Variants in SLCO1C1 observed in about 807,000 individuals in gnomAD.
The protein encoded by SLCO1C1 is solute carrier organic anion transporter family member 1C1.
In SLCO1C1, 70 loss-of-function variants were observed where a neutral mutation model predicts 76.4. The observed-to-expected ratio is 0.92, with a 90% CI of 0.76 to 1.12. SLCO1C1 has a LOEUF of 1.12. Ranked by LOEUF, SLCO1C1 falls within the 50% of genes most tolerant of loss-of-function variation. The probability of loss-of-function intolerance (pLI) is 0.00; values close to 1 mark genes in which losing one functional copy is unlikely to be tolerated. For synonymous variants in SLCO1C1, 306 were observed against 286.1 expected (o/e 1.07, Z -0.70); for missense variants, 912 against 823.8 (o/e 1.11, Z -1.31).
chr12:20,733,894 A>G (rs553813337), intron 10 of SLCO1C1, among the ~76,000 whole-genome samples: 1 of 151,806 alleles, frequency 6.6e-6, no homozygotes, highest in African/African-American at 2.4e-5. Flanking sequence ...CTTTCCCATC[A>G]CTCTACCACT....
rs1005040180 is a variant in SLCO1C1 at position 20,739,209 on chromosome 12, G to A, written c.1549-975G>A. Among the ~76,000 whole-genome samples, 17 of 152,224 alleles carry A rather than the reference G, an allele frequency of 1.1e-4. No homozygotes were observed. In the East Asian group the frequency reaches 2.7e-3, roughly 24 times the overall value. The stretch of plus-strand genomic sequence containing the variant: ...GTTTTATCAAATGCCTAAAATGAGA[G>A]TCTATTCCATTCCCCAGTTGCATAA... On this transcript the variant is annotated intron_variant, in intron 11 of 14. Transcript: ENST00000266509.
intron 2 of SLCO1C1, among the ~76,000 whole-genome samples, chr12:20,700,885 G>A (rs1946490204): frequency 6.6e-6 from 1 of 151,964 alleles, no homozygotes; most frequent in Admixed American, 6.6e-5. Flanking sequence ...TTCCCGGCTG[G>A]TGCATGCACC....
chr12:20,731,597 G>T (rs943575458), intron 9 of SLCO1C1, among the ~76,000 whole-genome samples: 1 of 152,084 alleles, frequency 6.6e-6, no homozygotes, highest in Non-Finnish European at 1.5e-5. Flanking sequence ...TTTATTATTC[G>T]AAAGAGATGT....
intron 9 of SLCO1C1, among the ~76,000 whole-genome samples, chr12:20,725,805 T>G (rs915200289): frequency 6.6e-6 from 1 of 152,002 alleles, no homozygotes; most frequent in African/African-American, 2.4e-5. Context: ...TTATCAACAC[T>G]TGGAATTGTC....
intron 9 of SLCO1C1, among the ~76,000 whole-genome samples, chr12:20,726,253 T>A (rs1337492854): frequency 5.9e-5 from 5 of 84,946 alleles, no homozygotes; most frequent in Non-Finnish European, 1.0e-4. Context: ...TTTTTCTTAT[T>A]TTTTTTTTTT....
At chr12:20,698,476 G>A (rs372908236) in intron 1 of SLCO1C1, among the ~76,000 whole-genome samples, 16 of 151,956 alleles carry the variant, frequency 1.1e-4, no homozygotes, top group African/African-American at 2.2e-4. Context: ...AAAGCAAATC[G>A]TTTATACTAT....
chr12:20,734,938 TC>T (rs1315495383), intron 10 of SLCO1C1, among the ~76,000 whole-genome samples: 1 of 152,148 alleles, frequency 6.6e-6, no homozygotes, highest in East Asian at 1.9e-4. Flanking sequence ...AAGGAAAAGC[TC>T]TCATCTTTCA....
intron 8 of SLCO1C1, among the ~76,000 whole-genome samples, chr12:20,722,688 T>G (rs1186059169): frequency 2.0e-5 from 3 of 152,248 alleles, no homozygotes; most frequent in Non-Finnish European, 4.4e-5. Flanking sequence ...TTCTTTCTCT[T>G]TGACCACAAG....
intron 13 of SLCO1C1, among the ~76,000 whole-genome samples, chr12:20,748,456 A>C (rs1949147358): frequency 6.6e-6 from 1 of 152,126 alleles, no homozygotes; most frequent in Non-Finnish European, 1.5e-5. Flanking sequence ...TACTAGAGCA[A>C]ATCTATATAT....
intron 9 of SLCO1C1, among the ~76,000 whole-genome samples, chr12:20,731,515 T>G (rs1170782523): frequency 6.6e-6 from 1 of 152,240 alleles, no homozygotes; most frequent in Non-Finnish European, 1.5e-5. Context: ...GAGATTATTT[T>G]TTACTACAGC....
In SLCO1C1 at chr12:20,696,758, A is replaced by AAG. The variant is rs1565493004; in HGVS notation, c.-26+960_-26+961dup. 3.9e-5 allele frequency: 6 copies of AAG among 152,188 alleles called. No individual in the cohort carries two copies. In the South Asian group the frequency reaches 1.2e-3, roughly 32 times the overall value. 9.4% of individuals were successfully genotyped at this position (152,188 alleles called of 1,614,324 possible). A position where few individuals can be genotyped will look rare whatever the true frequency, so the allele number is the denominator to read the frequency against. ...TGCTCTACTTCTGCAGTTGCAAATG[A>AAG]AGAGAGAGAGCCTGCAGGCCCCAAG... On this transcript the variant is annotated intron_variant, in intron 1 of 14. Transcript: ENST00000266509.
In SLCO1C1 at chr12:20,748,784, A is replaced by G. The variant is rs1654681845; in HGVS notation, c.1799-1891A>G. 2.6e-5 allele frequency among the ~76,000 whole-genome samples: 4 copies of G among 152,252 alleles called. No homozygotes were observed. In the South Asian group the frequency reaches 8.3e-4, roughly 32 times the overall value. On this transcript the variant is annotated intron_variant, in intron 13 of 14. Transcript: ENST00000266509. ...TGTTTGTTTGCTTGTGAGTATGTCC[A>G]GGTAAAATATTGTTGGTGGCAATAC...
chr12:20,740,626 G>C (rs2120878810), intron 12 of SLCO1C1, among the ~76,000 whole-genome samples: 1 of 151,422 alleles, frequency 6.6e-6, no homozygotes, highest in East Asian at 1.9e-4. Flanking sequence ...CACTAGAGTT[G>C]CTTAATAAAT....
intron 2 of SLCO1C1, among the ~76,000 whole-genome samples, chr12:20,700,820 G>A (rs1222963126): frequency 6.6e-6 from 1 of 152,038 alleles, no homozygotes; most frequent in Non-Finnish European, 1.5e-5. Context: ...AATTTAATAA[G>A]TATAAACATA....
intron 10 of SLCO1C1, among the ~76,000 whole-genome samples, chr12:20,733,828 C>T (rs1948410262): frequency 6.6e-6 from 1 of 152,318 alleles, no homozygotes; most frequent in South Asian, 2.1e-4. Context: ...TCCAGAGTCT[C>T]TCTCAATACA....
chr12:20,733,620 G>T (rs1008454610), intron 10 of SLCO1C1, among the ~76,000 whole-genome samples: 22 of 152,198 alleles, frequency 1.4e-4, no homozygotes, highest in African/African-American at 5.1e-4. Flanking sequence ...AGGAACTGGA[G>T]TTACCTCTTT....
At chr12:20,714,506 ATTTCT>A (rs1470055603) in intron 5 of SLCO1C1, among the ~76,000 whole-genome samples, 1 of 152,172 alleles carries the variant, frequency 6.6e-6, no homozygotes. Flanking sequence ...CTGTCAAATG[ATTTCT>A]TTTGTTGGAA....
chr12:20,724,405 GTGTGTGTATATATATATA>G (rs1472968948), intron 9 of SLCO1C1, among the ~76,000 whole-genome samples: 31 of 29,566 alleles, frequency 1.0e-3, no homozygotes, highest in African/African-American at 2.3e-3. Context: ...GTGTGTGTGT[GTGTGTGTATATATATATA>G]TATATATATA....
chr12:20,707,495 T>C (rs966491229), intron 4 of SLCO1C1, among the ~76,000 whole-genome samples: 1 of 152,112 alleles, frequency 6.6e-6, no homozygotes, highest in African/African-American at 2.4e-5. Flanking sequence ...CTGCAGTGGA[T>C]CAGTAGCTCT....
Sources: gnomAD v4.1 joint callset for allele counts (sites outside exome capture counted in the v4.1 genomes callset) on GRCh38, gnomAD v4.1.1 for gene constraint, MANE v1.5 for transcripts, NCBI Gene and HGNC (gene_info 2026-07-23, HGNC 2026-07-21) for gene names.